Variants in KCND2 observed in about 807,000 individuals in gnomAD.
KCND2 encodes the protein potassium voltage-gated channel subfamily D member 2.
In KCND2, 16 loss-of-function variants were observed where a neutral mutation model predicts 54.4. The observed-to-expected ratio is 0.29, with a 90% confidence interval of 0.20 to 0.45. The LOEUF is 0.45. Among genes scored for constraint, KCND2 ranks in the 20% least tolerant of loss-of-function variants. KCND2 has a pLI of 1.00. For synonymous variants in KCND2, 317 were observed against 310.7 expected (o/e 1.02, Z -0.21); for missense variants, 486 against 824.2 (o/e 0.59, Z 5.02).
intron 1 of KCND2, among the ~76,000 whole-genome samples, chr7:120,289,040 A>G (rs1002831782): frequency 8.1e-4 from 30 of 37,120 alleles, no homozygotes; most frequent in South Asian, 7.0e-3. Context: ...AGACACAAAC[A>G]CACACACACA....
At chr7:120,472,562 T>TACACACACACAC (rs10679656) in intron 1 of KCND2, among the ~76,000 whole-genome samples, 3 of 149,528 alleles carry the variant, frequency 2.0e-5, no homozygotes, top group African/African-American at 7.3e-5. Flanking sequence ...AGACTTTAAA[T>TACACACACACAC]ACACACACAC....
Position 120,545,203 on chromosome 7 carries a change from G to T in KCND2, c.1116-187700G>T, listed in dbSNP as rs150995863. 3.6e-3 allele frequency among the ~76,000 whole-genome samples: 547 copies of T among 151,950 alleles called. 3 individuals carry two copies. Among genetic ancestry groups the T allele is most frequent in the African/African-American group, 0.013 (527 of 41,494 alleles). On this transcript the variant is annotated intron_variant, in intron 1 of 5. Transcript: ENST00000331113. ...GTCACCATGTGCAGAAATTACTTCT[G>T]TTTCCCACCCATCAATCTCAGCCAT...
intron 1 of KCND2, among the ~76,000 whole-genome samples, chr7:120,476,407 T>C (rs1282279797): frequency 6.6e-6 from 1 of 152,148 alleles, no homozygotes; most frequent in Non-Finnish European, 1.5e-5. Flanking sequence ...AACTCCAGAG[T>C]CAATAACAGT....
chr7:120,427,107 A>G (rs996396596), intron 1 of KCND2, among the ~76,000 whole-genome samples: 2 of 152,262 alleles, frequency 1.3e-5, no homozygotes, highest in Admixed American at 6.5e-5. Flanking sequence ...TTTCAGAGTA[A>G]ATCCTCCAGT....
In KCND2 at chr7:120,424,482, C is replaced by A. The variant is rs80277861; in HGVS notation, c.1115+148735C>A. Among the ~76,000 whole-genome samples, 6 of 152,282 alleles carry A rather than the reference C, an allele frequency of 3.9e-5. No homozygotes were observed. The East Asian group carries it at 9.6e-4, about 24-fold the overall frequency. ...TCAGCATTACCATGTAAACCAATCA[C>A]CACAAATTAAAGTGGTAGAATATTT... On this transcript the variant is annotated intron_variant, in intron 1 of 5. Transcript: ENST00000331113.
At chr7:120,389,262 G>A (rs991091798) in intron 1 of KCND2, among the ~76,000 whole-genome samples, 5 of 151,708 alleles carry the variant, frequency 3.3e-5, no homozygotes, top group Non-Finnish European at 5.9e-5. Flanking sequence ...TTATATATAT[G>A]CCTAAGATAT....
chr7:120,274,596 C>T lies in KCND2; in HGVS notation c.-37C>T, dbSNP rs1799143071. The T allele has an allele frequency of 1.2e-6, 2 of 1,613,762 alleles. No homozygotes were observed. The highest frequency in any genetic ancestry group is 1.7e-5 in the Admixed American group (1 of 60,004). On this transcript the variant is annotated 5_prime_UTR_variant, in exon 1 of 6. The change creates a new upstream start codon in the 5' untranslated region. Transcript: ENST00000331113. ...GGCTGCTTCGGTGACCCATTGTAGACGCCTCGTTACCCTTCTTCCTTCCGC... is the reference window on the plus strand; with the variant it reads ...GGCTGCTTCGGTGACCCATTGTAGATGCCTCGTTACCCTTCTTCCTTCCGC...
chr7:120,437,204 CT>C lies in KCND2; in HGVS notation c.1115+161473del, dbSNP rs66518858. Among the ~76,000 whole-genome samples, 418 of 130,290 alleles carry C rather than the reference CT, an allele frequency of 3.2e-3. 4 individuals carry two copies. The highest frequency in any genetic ancestry group is 0.011 in the Middle Eastern group (3 of 262). The allele number at this position is 130,290 out of a possible 152,430, so 85.5% of individuals were successfully genotyped here. On this transcript the variant is annotated intron_variant, in intron 1 of 5. Coordinates refer to ENST00000331113, the MANE Select transcript of KCND2 (RefSeq NM_012281.3). ...ACTACTGGAGACAATCAATATACAA[CT>C]TTTTTTTTTTTTTTTCAGTCAGAAT...
At chr7:120,317,601 C>T (rs1799831596) in intron 1 of KCND2, among the ~76,000 whole-genome samples, 1 of 152,048 alleles carries the variant, frequency 6.6e-6, no homozygotes, top group South Asian at 2.1e-4. Flanking sequence ...ACTAGTTACC[C>T]AAAATTTAAG....
intron 1 of KCND2, among the ~76,000 whole-genome samples, chr7:120,588,274 T>C (rs1792625404): frequency 1.3e-5 from 2 of 152,182 alleles, no homozygotes; most frequent in African/African-American, 4.8e-5. Flanking sequence ...TCATTTTAAC[T>C]GATATTTTGT....
intron 1 of KCND2, among the ~76,000 whole-genome samples, chr7:120,561,127 TAA>T (rs1253646253): frequency 1.3e-5 from 2 of 152,254 alleles, no homozygotes; most frequent in Non-Finnish European, 2.9e-5. Context: ...CAAAATGTTT[TAA>T]GTCACCTTTT....
At chr7:120,299,086 G>T (rs1013671381) in intron 1 of KCND2, among the ~76,000 whole-genome samples, 1 of 152,078 alleles carries the variant, frequency 6.6e-6, no homozygotes, top group Non-Finnish European at 1.5e-5. Flanking sequence ...CTTGAACCTG[G>T]GAGGCAGAGG....
intron 1 of KCND2, among the ~76,000 whole-genome samples, chr7:120,419,480 G>T (rs1332716441): frequency 1.3e-5 from 2 of 152,074 alleles, no homozygotes; most frequent in Non-Finnish European, 2.9e-5. Flanking sequence ...GTATACTAAG[G>T]AATCTCTTTG....
intron 1 of KCND2, among the ~76,000 whole-genome samples, chr7:120,635,141 A>C (rs965661696): frequency 1.3e-5 from 2 of 152,112 alleles, no homozygotes; most frequent in African/African-American, 4.8e-5. Flanking sequence ...TGACACTTAC[A>C]TTTCTTACTT....
At chr7:120,587,791 G>A (rs1792619052) in intron 1 of KCND2, among the ~76,000 whole-genome samples, 1 of 152,074 alleles carries the variant, frequency 6.6e-6, no homozygotes, top group African/African-American at 2.4e-5. Context: ...CCTACTGTGT[G>A]CTGATGCATT....
At chr7:120,621,315 G>T (rs1202477846) in intron 1 of KCND2, among the ~76,000 whole-genome samples, 3 of 144,192 alleles carry the variant, frequency 2.1e-5, no homozygotes, top group Non-Finnish European at 4.5e-5. Context: ...GAACCATATG[G>T]TATCCTGTCA....
chr7:120,600,833 TTTG>T (rs1240417506), intron 1 of KCND2, among the ~76,000 whole-genome samples: 1 of 152,076 alleles, frequency 6.6e-6, no homozygotes, highest in African/African-American at 2.4e-5. Flanking sequence ...TCAATGAATG[TTTG>T]TTAACTGAAC....
chr7:120,294,836 A>G (rs919449577), intron 1 of KCND2, among the ~76,000 whole-genome samples: 2 of 151,836 alleles, frequency 1.3e-5, no homozygotes, highest in Admixed American at 6.6e-5. Context: ...ACATATATAC[A>G]CATGTATATA....
intron 1 of KCND2, among the ~76,000 whole-genome samples, chr7:120,630,113 C>G (rs893758074): frequency 3.3e-5 from 5 of 152,172 alleles, no homozygotes; most frequent in African/African-American, 9.6e-5. Context: ...GGCCAAACAG[C>G]CTTGGCAATT....
Sources: gnomAD v4.1 joint callset for allele counts (sites outside exome capture counted in the v4.1 genomes callset) on GRCh38, gnomAD v4.1.1 for gene constraint, MANE v1.5 for transcripts, NCBI Gene and HGNC (gene_info 2026-07-23, HGNC 2026-07-21) for gene names.